Variants in RGS7 observed in about 807,000 individuals in gnomAD.
RGS7 encodes the protein regulator of G protein signaling 7.
A neutral mutation model predicts 81.1 loss-of-function variants in RGS7; 27 were observed. The observed-to-expected ratio is 0.33, with a 90% confidence interval of 0.25 to 0.46. The LOEUF is 0.46. Among genes scored for constraint, RGS7 ranks in the 20% least tolerant of loss-of-function variants. The pLI is 1.00. For synonymous variants in RGS7, 208 were observed against 207.7 expected, an observed-to-expected ratio of 1.00 and a Z score of -0.01; for missense variants, 396 against 607.4, an observed-to-expected ratio of 0.65 and a Z score of 3.66.
intron 2 of RGS7, among the ~76,000 whole-genome samples, chr1:241,138,567 T>C (rs2067692964): frequency 6.6e-6 from 1 of 152,218 alleles, no homozygotes; most frequent in Non-Finnish European, 1.5e-5. Flanking sequence ...TCTGTTGTCT[T>C]GGTCCAGCTG....
At chr1:240,776,454 C>T (rs1000251421) in intron 18 of RGS7, among the ~76,000 whole-genome samples, 2 of 151,638 alleles carry the variant, frequency 1.3e-5, no homozygotes, top group Non-Finnish European at 2.9e-5. Context: ...CAAATCCTTC[C>T]TCCCCACTGC....
intron 3 of RGS7, among the ~76,000 whole-genome samples, chr1:241,066,058 G>T (rs1413352998): frequency 6.6e-6 from 1 of 152,180 alleles, no homozygotes; most frequent in African/African-American, 2.4e-5. Flanking sequence ...GAAGTTAAGT[G>T]TAGCATAAAG....
At chr1:241,053,959 C>A (rs1013551268) in intron 3 of RGS7, among the ~76,000 whole-genome samples, 5 of 152,164 alleles carry the variant, frequency 3.3e-5, no homozygotes, top group South Asian at 4.1e-4. Context: ...ACCTCTTTTT[C>A]TTTATAAATT....
chr1:241,339,217 C>G (rs1161976947), intron 2 of RGS7, among the ~76,000 whole-genome samples: 1 of 152,216 alleles, frequency 6.6e-6, no homozygotes, highest in Non-Finnish European at 1.5e-5. Flanking sequence ...ACGACATGAT[C>G]TCTTTCCTTT....
At chr1:241,044,747 T>C (rs191800775) in intron 3 of RGS7, among the ~76,000 whole-genome samples, 16 of 152,298 alleles carry the variant, frequency 1.1e-4, no homozygotes, top group African/African-American at 3.4e-4. Flanking sequence ...TCTGTTGTTG[T>C]TTTGATATTA....
intron 3 of RGS7, among the ~76,000 whole-genome samples, chr1:241,081,655 T>C (rs2063140532): frequency 6.6e-6 from 1 of 152,246 alleles, no homozygotes; most frequent in Admixed American, 6.5e-5. Context: ...CAGGTTCCCA[T>C]GTAGGGATGA....
At chr1:240,777,841 T>C (rs1442906738) in intron 18 of RGS7, among the ~76,000 whole-genome samples, 1 of 151,670 alleles carries the variant, frequency 6.6e-6, no homozygotes, top group African/African-American at 2.4e-5. Context: ...CCCTAACTCC[T>C]AATACCATCA....
In RGS7 at chr1:241,167,440, G is replaced by A. The variant is rs544545971; in HGVS notation, c.79-68678C>T. On this transcript the variant is annotated intron_variant, in intron 2 of 18. Transcript: ENST00000440928. Reference sequence around the variant, plus strand: ...GGTGGGGTCATGTGACTAAGATCTGGCCAATGTGGTAAAAACGAATGTGTC... The same window carrying A: ...GGTGGGGTCATGTGACTAAGATCTGACCAATGTGGTAAAAACGAATGTGTC... Among the ~76,000 whole-genome samples the A allele has an allele frequency of 1.0e-3, 152 of 152,204 alleles. 1 individual carries two copies. The highest frequency in any genetic ancestry group is 3.4e-3 in the African/African-American group (143 of 41,536).
chr1:241,128,703 T>C (rs923136034), intron 2 of RGS7, among the ~76,000 whole-genome samples: 24 of 148,624 alleles, frequency 1.6e-4, no homozygotes, highest in African/African-American at 6.0e-4. Context: ...TATAAAATAT[T>C]TCAAAATTAT....
chr1:241,169,622 C>G (rs1358135216), intron 2 of RGS7, among the ~76,000 whole-genome samples: 1 of 151,990 alleles, frequency 6.6e-6, no homozygotes, highest in Non-Finnish European at 1.5e-5. Flanking sequence ...GGATTACAGG[C>G]GTGAACCACC....
chr1:241,107,903 A>G (rs1473239876), intron 2 of RGS7, among the ~76,000 whole-genome samples: 1 of 152,176 alleles, frequency 6.6e-6, no homozygotes, highest in Non-Finnish European at 1.5e-5. Context: ...TCAATATAAA[A>G]ACCCATTGAA....
intron 14 of RGS7, among the ~76,000 whole-genome samples, chr1:240,807,434 G>A (rs368441550): frequency 9.9e-5 from 15 of 152,112 alleles, no homozygotes; most frequent in African/African-American, 2.7e-4. Flanking sequence ...AGGCTACAGA[G>A]TCTTAAGAGA....
chr1:241,157,495 T>C (rs73129661), intron 2 of RGS7, among the ~76,000 whole-genome samples: 5,973 of 152,182 alleles, frequency 0.039, 392 homozygotes, highest in African/African-American at 0.14. Flanking sequence ...GTGAGAATCA[T>C]TGTCACCTAC....
At chr1:241,112,104 A>G (rs1252033382) in intron 2 of RGS7, among the ~76,000 whole-genome samples, 2 of 152,172 alleles carry the variant, frequency 1.3e-5, no homozygotes, top group African/African-American at 4.8e-5. Context: ...AGAGTATGAA[A>G]TGCTCCATCT....
intron 2 of RGS7, among the ~76,000 whole-genome samples, chr1:241,187,400 G>A (rs1387366031): frequency 6.6e-6 from 1 of 152,048 alleles, no homozygotes; most frequent in Non-Finnish European, 1.5e-5. Context: ...AGTGAAGGAG[G>A]TAAGATTTAC....
At chr1:240,821,219 G>A (rs1005125216) in intron 10 of RGS7, among the ~76,000 whole-genome samples, 1 of 152,170 alleles carries the variant, frequency 6.6e-6, no homozygotes, top group Non-Finnish European at 1.5e-5. Context: ...TAGGGAGGCT[G>A]AAGCAAGTGG....
intron 2 of RGS7, among the ~76,000 whole-genome samples, chr1:241,232,831 T>C (rs1178532059): frequency 6.6e-6 from 1 of 152,200 alleles, no homozygotes; most frequent in Non-Finnish European, 1.5e-5. Context: ...ACATCCATGT[T>C]TGTAGTTTTC....
At chr1:240,935,074 T>TA (rs1368123636) in intron 5 of RGS7, among the ~76,000 whole-genome samples, 1 of 151,248 alleles carries the variant, frequency 6.6e-6, no homozygotes, top group African/African-American at 2.4e-5. Flanking sequence ...GTTTGTTTTT[T>TA]TTTTAGTAGA....
chr1:241,032,226 T>C (rs1314775969), intron 3 of RGS7, among the ~76,000 whole-genome samples: 1 of 152,238 alleles, frequency 6.6e-6, no homozygotes, highest in Non-Finnish European at 1.5e-5. Context: ...ATTTATTGAA[T>C]AGGGTGTCCT....
Sources: allele counts gnomAD v4.1 joint callset (sites outside exome capture counted in the v4.1 genomes callset), GRCh38; gene constraint gnomAD v4.1.1; transcripts MANE v1.5; gene names NCBI Gene and HGNC (gene_info 2026-07-23, HGNC 2026-07-21).